The following PRKCE variants were observed in gnomAD, a reference collection of about 807,000 sequenced individuals.
PRKCE encodes the protein protein kinase C epsilon.
Under a neutral mutation model 85.4 loss-of-function variants are expected in PRKCE, and 16 were observed. The ratio of observed to expected loss-of-function variants is 0.19; its 90% CI spans 0.13 to 0.28. The LOEUF (loss-of-function observed/expected upper bound fraction) is 0.28. PRKCE is among the 10% of genes least tolerant of loss of function. The pLI is 1.00. For synonymous variants in PRKCE, 388 were observed against 371.5 expected (o/e 1.04, Z -0.51); for missense variants, 573 against 975.2 (o/e 0.59, Z 5.49).
intron 10 of PRKCE, among the ~76,000 whole-genome samples, chr2:46,058,408 C>A (rs1052089360): frequency 2.0e-5 from 3 of 152,180 alleles, no homozygotes; most frequent in African/African-American, 7.2e-5. Flanking sequence ...AAGGAACTGG[C>A]TCATTGTTTA....
At chr2:45,970,596 A>C (rs1702044822) in intron 2 of PRKCE, among the ~76,000 whole-genome samples, 1 of 152,192 alleles carries the variant, frequency 6.6e-6, no homozygotes, top group Admixed American at 6.5e-5. Context: ...AAGATATGGC[A>C]ACCCCATGAG....
intron 2 of PRKCE, among the ~76,000 whole-genome samples, chr2:45,974,749 G>A (rs1199947109): frequency 6.6e-6 from 1 of 152,182 alleles, no homozygotes. Context: ...AGGGATCAAT[G>A]CTTCTTCCCC....
Position 45,984,668 on chromosome 2 carries a change from T to G in PRKCE, c.811T>G (p.Leu271Val), listed in dbSNP as rs1404195027. ...GCTCTGGGGACTCTTGCGGCAGGGTTTGCAGTGTAAAGGTAAGTTGCTCCC... is the reference window on the plus strand; with the variant it reads ...GCTCTGGGGACTCTTGCGGCAGGGTGTGCAGTGTAAAGGTAAGTTGCTCCC... The part of the protein sequence containing the change: ...SLLWGLLRQG[L>V]QCKVCKMNVH... Residue 271 changes from leucine to valine, a missense_variant, in exon 6 of 15, where the codon TTG (leucine) becomes GTG (valine). By Grantham distance (32) the Leu-to-Val change is conservative (BLOSUM62 1). Transcript: ENST00000306156. 6.3e-7 allele frequency: 1 copy of G among 1,599,352 alleles called. No individual in the cohort carries two copies. The highest frequency in any genetic ancestry group is 8.5e-7 in the Non-Finnish European group (1 of 1,179,678).
At chr2:45,944,388 T>C (rs1700090595) in intron 2 of PRKCE, among the ~76,000 whole-genome samples, 1 of 152,218 alleles carries the variant, frequency 6.6e-6, no homozygotes, top group South Asian at 2.1e-4. Context: ...CAGCTCAGAC[T>C]GGAGTGATGG....
intron 1 of PRKCE, among the ~76,000 whole-genome samples, chr2:45,726,137 C>G (rs947781838): frequency 1.3e-5 from 2 of 152,172 alleles, no homozygotes; most frequent in Non-Finnish European, 2.9e-5. Flanking sequence ...GAGATAGAAT[C>G]TATTCCTGGT....
At chr2:45,929,606 A>G (rs1192059121) in intron 2 of PRKCE, among the ~76,000 whole-genome samples, 2 of 152,142 alleles carry the variant, frequency 1.3e-5, no homozygotes, top group East Asian at 3.9e-4. Flanking sequence ...AAAGCTAAAA[A>G]CTTAGAGAAC....
chr2:46,095,593 G>T (rs1311016984), intron 11 of PRKCE, among the ~76,000 whole-genome samples: 2 of 152,294 alleles, frequency 1.3e-5, no homozygotes, highest in Non-Finnish European at 2.9e-5. Context: ...TGAGCTTTGG[G>T]GATAGGAAGA....
intron 10 of PRKCE, among the ~76,000 whole-genome samples, chr2:46,029,012 A>G (rs923291000): frequency 7.2e-5 from 11 of 152,138 alleles, no homozygotes; most frequent in African/African-American, 2.7e-4. Context: ...ATGGCTGCAT[A>G]TTATTCCATG....
intron 2 of PRKCE, among the ~76,000 whole-genome samples, chr2:45,917,067 T>C (rs539292138): frequency 5.3e-5 from 8 of 152,316 alleles, no homozygotes; most frequent in Non-Finnish European, 1.0e-4. Flanking sequence ...TTACCACTGC[T>C]GGCTCAGGCA....
chr2:45,869,659 A>T (rs1051219225), intron 2 of PRKCE, among the ~76,000 whole-genome samples: 1 of 151,200 alleles, frequency 6.6e-6, no homozygotes, highest in Non-Finnish European at 1.5e-5. Flanking sequence ...TCTGGCCCCA[A>T]GGTCTGTTAC....
At chr2:45,787,132 G>A (rs1444073603) in intron 1 of PRKCE, among the ~76,000 whole-genome samples, 1 of 152,234 alleles carries the variant, frequency 6.6e-6, no homozygotes, top group Non-Finnish European at 1.5e-5. Context: ...GTCCCCCCAA[G>A]CTGGGAGGAG....
At chr2:45,780,769 G>A (rs1287569995) in intron 1 of PRKCE, among the ~76,000 whole-genome samples, 2 of 152,196 alleles carry the variant, frequency 1.3e-5, no homozygotes, top group African/African-American at 2.4e-5. Context: ...ATGAGTGGAA[G>A]TCATAGCTTC....
At chr2:45,746,417 G>A (rs1437128204) in intron 1 of PRKCE, among the ~76,000 whole-genome samples, 4 of 152,080 alleles carry the variant, frequency 2.6e-5, no homozygotes, top group Admixed American at 2.6e-4. Flanking sequence ...GCCCATAGTG[G>A]GTGCTCAAAA....
At chr2:46,063,881 A>G (rs1237412127) in intron 10 of PRKCE, among the ~76,000 whole-genome samples, 1 of 152,178 alleles carries the variant, frequency 6.6e-6, no homozygotes, top group Non-Finnish European at 1.5e-5. Context: ...TTCATTTCTA[A>G]TGACTTCACA....
At chr2:46,141,761 C>A (rs1675556475) in intron 11 of PRKCE, among the ~76,000 whole-genome samples, 1 of 151,508 alleles carries the variant, frequency 6.6e-6, no homozygotes. Context: ...ATTTGAGGAC[C>A]AAGTACACAG....
At chr2:45,858,670 C>G (rs1401249661) in intron 2 of PRKCE, among the ~76,000 whole-genome samples, 1 of 152,132 alleles carries the variant, frequency 6.6e-6, no homozygotes, top group East Asian at 1.9e-4. Flanking sequence ...TCTTGCATTT[C>G]TTTATGATTT....
chr2:45,935,065 T>TCACACACACACA lies in PRKCE; in HGVS notation c.413-41363_413-41362insACACACACACAC, dbSNP rs758047038. The stretch of plus-strand genomic sequence containing the variant: ...AGCAAAGCGAGACACTCACTCTCTC[T>TCACACACACACA]CTCACACACACACACACACACACAC... On this transcript the variant is annotated intron_variant, in intron 2 of 14. Coordinates refer to ENST00000306156, the MANE Select transcript of PRKCE (RefSeq NM_005400.3). 1.3e-3 allele frequency among the ~76,000 whole-genome samples: 140 copies of TCACACACACACA among 107,204 alleles called. No homozygotes were observed. The South Asian group carries it at 0.025, about 19-fold the overall frequency. The allele number at this position is 107,204 out of a possible 152,430, so 70.3% of individuals were successfully genotyped here. A position where few individuals can be genotyped will look rare whatever the true frequency, so the allele number is the denominator to read the frequency against.
chr2:45,734,247 C>T (rs1681847062), intron 1 of PRKCE, among the ~76,000 whole-genome samples: 2 of 151,996 alleles, frequency 1.3e-5, no homozygotes, highest in African/African-American at 4.8e-5. Context: ...CACCCGTAGT[C>T]CTAGCTACTT....
intron 10 of PRKCE, among the ~76,000 whole-genome samples, chr2:46,042,417 GAAAAC>G (rs1370500986): frequency 1.3e-5 from 2 of 152,204 alleles, no homozygotes; most frequent in Non-Finnish European, 2.9e-5. Context: ...GGTAAGAAAA[GAAAAC>G]AAACAAAAGT....
Sources: allele counts gnomAD v4.1 joint callset (sites outside exome capture counted in the v4.1 genomes callset), GRCh38; gene constraint gnomAD v4.1.1; transcripts MANE v1.5; gene names NCBI Gene and HGNC (gene_info 2026-07-23, HGNC 2026-07-21).